Variants in ARHGAP17 observed in about 807,000 individuals in gnomAD.
ARHGAP17 encodes the protein rho GTPase-activating protein 17.
In ARHGAP17, 57 loss-of-function variants were observed where a neutral mutation model predicts 99.5. That is an observed-to-expected ratio of 0.57 (90% CI 0.46 to 0.71). The LOEUF (loss-of-function observed/expected upper bound fraction) is 0.71, where lower values mean the gene tolerates loss of function less well. Ranked by LOEUF, ARHGAP17 falls within the 30% of genes least tolerant of loss-of-function variation. ARHGAP17 has a pLI of 0.00. For synonymous variants in ARHGAP17, 417 were observed against 429.6 expected, an observed-to-expected ratio of 0.97 and a Z score of 0.36; for missense variants, 1,000 against 1,122.4, an observed-to-expected ratio of 0.89 and a Z score of 1.56.
In ARHGAP17 at chr16:24,968,218, C is replaced by T. The variant is rs568648034; in HGVS notation, c.461+133G>A. ...GGGAGAACAAGGCCTATAGGAGGTGCTGGCAGGCTGGCACCCAGTCTGGGG... is the reference window on the plus strand; with the variant it reads ...GGGAGAACAAGGCCTATAGGAGGTGTTGGCAGGCTGGCACCCAGTCTGGGG... On this transcript the variant is annotated intron_variant, in intron 6 of 19. Transcript: ENST00000289968. 3 of 925,672 alleles carry T rather than the reference C, an allele frequency of 3.2e-6. No homozygotes were observed. The Admixed American group carries it at 6.2e-5, about 19-fold the overall frequency. The allele number at this position is 925,672 out of a possible 1,614,324, so 57.3% of individuals were successfully genotyped here.
chr16:25,014,553 T>C (rs1194371253), intron 1 of ARHGAP17, among the ~76,000 whole-genome samples: 2 of 152,202 alleles, frequency 1.3e-5, no homozygotes, highest in Admixed American at 1.3e-4. Context: ...GTCTCCATAA[T>C]CCTTTTCCGC....
At chr16:24,927,080 G>A (rs1044745670) in intron 19 of ARHGAP17, among the ~76,000 whole-genome samples, 1 of 152,106 alleles carries the variant, frequency 6.6e-6, no homozygotes, top group Non-Finnish European at 1.5e-5. Flanking sequence ...AGACCAGCCT[G>A]GCCAACATGG....
chr16:24,940,958 C>T (rs1301048528), intron 16 of ARHGAP17, among the ~76,000 whole-genome samples: 1 of 152,184 alleles, frequency 6.6e-6, no homozygotes, highest in Non-Finnish European at 1.5e-5. Flanking sequence ...GACTCATGCA[C>T]TGTATTCTGT....
Position 24,935,585 on chromosome 16 carries a change from G to T in ARHGAP17, c.1779C>A (p.Asn593Lys). ...VSAAVPAPGR[N>K]NSQIASGQNQ... The stretch of plus-strand genomic sequence containing the variant: ...TTTGGCCAGATGCTATCTGACTGTT[G>T]TTTCTCCCTGGTGCTGGCACAGCTG... Residue 593 changes from asparagine to lysine, a missense_variant, in exon 18 of 20, where the codon AAC becomes AAA. This residue lies in a region of ARHGAP17 where 528 missense variants were observed against 511.4 expected (regional missense o/e 1.03). Transcript: ENST00000289968. 6.2e-7 allele frequency: 1 copy of T among 1,614,150 alleles called. No homozygotes were observed. Among genetic ancestry groups the T allele is most frequent in the African/African-American group, 1.3e-5 (1 of 75,036 alleles).
chr16:24,933,469 G>A (rs868639212), intron 18 of ARHGAP17, among the ~76,000 whole-genome samples: 2 of 149,948 alleles, frequency 1.3e-5, no homozygotes, highest in African/African-American at 4.9e-5. Flanking sequence ...GTGAGAAAAC[G>A]AGACCCTGCC....
At chr16:25,000,004 T>A (rs2053315315) in intron 1 of ARHGAP17, among the ~76,000 whole-genome samples, 1 of 152,106 alleles carries the variant, frequency 6.6e-6, no homozygotes, top group African/African-American at 2.4e-5. Flanking sequence ...CCTGGTGGTA[T>A]CAGGAGCCGT....
Position 24,952,993 on chromosome 16 carries a change from G to A in ARHGAP17, c.902C>T (p.Ala301Val). ...GTGAGAAGTAGAACAGTCCAAAGCA[G>A]CTTTCAGCTTCTTTAACTTGGAGGC... is the stretch of plus-strand genomic sequence containing the variant. ...AGASKLKKLK[A>V]ALDCSTSHLD... Residue 301 changes from alanine (A) to valine (V), a missense_variant, in exon 11 of 20, where the codon GCT becomes GTT. Physicochemically the swap from Ala to Val is moderately conservative, Grantham distance 64. This residue lies in a region of ARHGAP17 where 472 missense variants were observed against 611.1 expected (regional missense o/e 0.77). Transcript: ENST00000289968. 2 of 1,614,182 alleles carry A rather than the reference G, an allele frequency of 1.2e-6. No individual in the cohort carries two copies. The highest frequency in any genetic ancestry group is 1.7e-6 in the Non-Finnish European group (2 of 1,180,030).
chr16:25,015,179 T>G, intron 1 of ARHGAP17, 30 bp downstream of exon 1: 1 of 1,269,490 alleles, frequency 7.9e-7, no homozygotes, highest in Non-Finnish European at 1.0e-6. Flanking sequence ...CCAGCCCCGG[T>G]GCGACCCCCG....
intron 1 of ARHGAP17, among the ~76,000 whole-genome samples, chr16:24,991,209 T>G (rs2053031183): frequency 6.6e-6 from 1 of 152,148 alleles, no homozygotes; most frequent in Non-Finnish European, 1.5e-5. Context: ...TTTCCTCCAC[T>G]GTGAAATAGG....
At chr16:24,930,676 G>A (rs745997500) in intron 19 of ARHGAP17, 108 bp downstream of exon 19, 6 of 1,592,172 alleles carry the variant, frequency 3.8e-6, no homozygotes, top group Non-Finnish European at 2.6e-6. Flanking sequence ...TTTGGCTTGC[G>A]GGTGTAGTTT....
chr16:24,921,715 C>A (rs2050723597), intron 19 of ARHGAP17, among the ~76,000 whole-genome samples: 1 of 152,172 alleles, frequency 6.6e-6, no homozygotes, highest in South Asian at 2.1e-4. Flanking sequence ...CTATGCACCA[C>A]AACTCAGAGA....
At position 24,968,537 on chromosome 16, in the gene ARHGAP17, T is replaced by C. The variant is rs1426292193; in HGVS notation, c.385-110A>G. ...AAGGCAAAGGATTTTGTACCTTCAA[T>C]TGACTCCCCTTATTTCCAAAAAGAA... is the stretch of plus-strand genomic sequence containing the variant. On this transcript the variant is annotated intron_variant, in intron 5 of 19. Coordinates refer to ENST00000289968, the MANE Select transcript of ARHGAP17 (RefSeq NM_001006634.3). The C allele has an allele frequency of 1.3e-5, 20 of 1,496,854 alleles. No individual in the cohort carries two copies. In the East Asian group the frequency reaches 3.6e-4, roughly 27 times the overall value. The allele number at this position is 1,496,854 out of a possible 1,614,324, so 92.7% of individuals were successfully genotyped here.
At chr16:24,992,983 T>A (rs2053092866) in intron 1 of ARHGAP17, among the ~76,000 whole-genome samples, 1 of 152,112 alleles carries the variant, frequency 6.6e-6, no homozygotes, top group Admixed American at 6.5e-5. Flanking sequence ...TATTTTTTTG[T>A]ACAGACAGGT....
intron 7 of ARHGAP17, among the ~76,000 whole-genome samples, chr16:24,961,275 A>C (rs571319901): frequency 9.3e-4 from 141 of 152,320 alleles, no homozygotes; most frequent in Admixed American, 2.1e-3. Context: ...GGAGGAGGAT[A>C]ATGGTAGAAG....
At chr16:24,939,810 T>C (rs1339459083) in intron 16 of ARHGAP17, 1 of 597,136 alleles carries the variant, frequency 1.7e-6, no homozygotes, top group Non-Finnish European at 3.0e-6. Flanking sequence ...TACTGTTCAA[T>C]GTCTTTGATC....
chr16:24,947,395 C>T, intron 14 of ARHGAP17, 87 bp downstream of exon 14: 1 of 1,194,004 alleles, frequency 8.4e-7, no homozygotes, highest in African/African-American at 1.5e-5. Context: ...TGATCTTAAA[C>T]TAGAATGTGT....
intron 19 of ARHGAP17, among the ~76,000 whole-genome samples, chr16:24,928,455 T>C (rs989260598): frequency 5.9e-5 from 9 of 152,200 alleles, no homozygotes; most frequent in Non-Finnish European, 1.0e-4. Context: ...AAACTAAACT[T>C]GTGGAATAAA....
intron 1 of ARHGAP17, among the ~76,000 whole-genome samples, chr16:24,988,722 C>T (rs1018442703): frequency 6.6e-6 from 1 of 152,186 alleles, no homozygotes; most frequent in African/African-American, 2.4e-5. Context: ...TCCCCTCTGG[C>T]ACATGAAATG....
chr16:24,986,144 C>G (rs1271605657), intron 1 of ARHGAP17, among the ~76,000 whole-genome samples: 2 of 152,200 alleles, frequency 1.3e-5, no homozygotes, highest in Non-Finnish European at 2.9e-5. Flanking sequence ...TAATAGCCAA[C>G]AGTAGCAGCC....
Sources: gnomAD v4.1 joint callset for allele counts (sites outside exome capture counted in the v4.1 genomes callset) on GRCh38, gnomAD v4.1.1 for gene constraint, gnomAD v4.1.1 regional missense constraint, MANE v1.5 for transcripts, NCBI Gene and HGNC (gene_info 2026-07-23, HGNC 2026-07-21) for gene names.